Variants in SEMA4B observed in about 807,000 individuals in gnomAD.
SEMA4B encodes the protein semaphorin 4B.
SEMA4B carries 55 observed loss-of-function variants against 88.1 expected under a neutral mutation model. The observed-to-expected ratio is 0.62, with a 90% CI of 0.50 to 0.78. SEMA4B has a LOEUF of 0.78. SEMA4B is among the 30% of genes least tolerant of loss of function. The pLI is 0.00. For synonymous variants in SEMA4B, 525 were observed against 473.6 expected (o/e 1.11, Z -1.41); for missense variants, 1,062 against 1,111.9 (o/e 0.96, Z 0.64).
intron 1 of SEMA4B, among the ~76,000 whole-genome samples, chr15:90,208,092 A>G (rs933271383): frequency 7.9e-5 from 12 of 152,092 alleles, no homozygotes; most frequent in African/African-American, 2.9e-4. Context: ...CATCTCTACT[A>G]AAAATAGAAA....
upstream of SEMA4B, among the ~76,000 whole-genome samples, chr15:90,196,333 T>C (rs1179398138): frequency 6.6e-6 from 1 of 152,132 alleles, no homozygotes; most frequent in South Asian, 2.1e-4. Flanking sequence ...GGCCCCGAGA[T>C]CTCTCCCTTA....
intron 1 of SEMA4B, among the ~76,000 whole-genome samples, chr15:90,187,382 A>C (rs1374590043): frequency 1.3e-5 from 2 of 152,238 alleles, no homozygotes; most frequent in Admixed American, 1.3e-4. Context: ...CAGCTAGAGC[A>C]GAAGACATTT....
chr15:90,186,989 G>C (rs1960185845), intron 1 of SEMA4B, among the ~76,000 whole-genome samples: 2 of 152,186 alleles, frequency 1.3e-5, no homozygotes, highest in South Asian at 4.1e-4. Flanking sequence ...AAAGATTGGG[G>C]ACATTGGCAA....
At chr15:90,225,941 T>G (rs1487112583) in intron 12 of SEMA4B, 114 bp downstream of exon 12, 3 of 775,102 alleles carry the variant, frequency 3.9e-6, no homozygotes, top group Admixed American at 3.7e-5. Flanking sequence ...GTCCACTGTC[T>G]CAGCATAATT....
intron 3 of SEMA4B, chr15:90,219,065 C>T (rs1961674609): frequency 6.6e-6 from 1 of 152,220 alleles, no homozygotes; most frequent in African/African-American, 2.4e-5. Context: ...GTCACTCTGG[C>T]TACTGTGGTA....
In SEMA4B at chr15:90,224,996, A is replaced by C. The variant is rs1212487844; in HGVS notation, c.1223A>C (p.Lys408Thr). The C allele has an allele frequency of 6.2e-7, 1 of 1,613,962 alleles. No homozygotes were observed. Among genetic ancestry groups the C allele is most frequent in the Non-Finnish European group, 8.5e-7 (1 of 1,179,856 alleles). ...ACITNSARER[K>T]INSSLQLPDR... Reference sequence around the variant, plus strand: ...ATCACCAACAGTGCCCGGGAAAGGAAGATCAACTCATCCCTGCAGCTCCCA... The same window carrying C: ...ATCACCAACAGTGCCCGGGAAAGGACGATCAACTCATCCCTGCAGCTCCCA... The change falls in exon 10 of 14, where the codon AAG (lysine) becomes ACG (threonine). Residue 408 changes from lysine to threonine, a missense_variant. Physicochemically the swap from Lys to Thr is moderately conservative, Grantham distance 78. Transcript: ENST00000411539.
intron 13 of SEMA4B, 66 bp from the exon 14 acceptor site, chr15:90,227,838 G>A: frequency 6.3e-7 from 1 of 1,597,450 alleles, no homozygotes; most frequent in South Asian, 1.1e-5. Flanking sequence ...CCCAGAGGGA[G>A]GCAGGGGAGC....
At chr15:90,195,926 T>C (rs1283123216) in intron 1 of SEMA4B, among the ~76,000 whole-genome samples, 6 of 111,420 alleles carry the variant, frequency 5.4e-5, no homozygotes, top group East Asian at 6.9e-4. Context: ...GTACTTCTCT[T>C]TTTTTTTTTT....
At chr15:90,222,254 CTT>C (rs1156919489) in intron 7 of SEMA4B, among the ~76,000 whole-genome samples, 9 of 68,794 alleles carry the variant, frequency 1.3e-4, no homozygotes, top group African/African-American at 3.4e-4. Context: ...TTTTTCTTTT[CTT>C]TTTTTTTTTT....
intron 4 of SEMA4B, 186 bp downstream of exon 4, chr15:90,220,077 T>C: frequency 3.7e-6 from 2 of 539,296 alleles, no homozygotes; most frequent in South Asian, 5.3e-5. Context: ...CTGACAGCCA[T>C]GTCTCCCTGT....
upstream of SEMA4B, among the ~76,000 whole-genome samples, chr15:90,199,277 C>G (rs4627314): frequency 0.2 from 31,055 of 152,018 alleles, 4,146 homozygotes; most frequent in African/African-American, 0.38. Context: ...TTGCAGTAAC[C>G]AGGAGAAAGA....
intron 3 of SEMA4B, chr15:90,219,460 T>G: frequency 4.2e-6 from 1 of 238,166 alleles, no homozygotes; most frequent in Non-Finnish European, 8.2e-6. Context: ...AGCTCCCAGC[T>G]TGGTTGGGAG....
intron 1 of SEMA4B, among the ~76,000 whole-genome samples, chr15:90,202,957 T>C (rs1170572638): frequency 6.6e-6 from 1 of 152,222 alleles, no homozygotes; most frequent in East Asian, 1.9e-4. Context: ...GCAGATGACC[T>C]GGGTTCAAAT....
In SEMA4B at chr15:90,196,240, C is replaced by T. The variant is rs150725901; in HGVS notation, c.-121-5218C>T. 2.0e-3 allele frequency among the ~76,000 whole-genome samples: 305 copies of T among 152,088 alleles called. 1 individual carries two copies. Among genetic ancestry groups the T allele is most frequent in the African/African-American group, 6.8e-3 (284 of 41,486 alleles). On this transcript the variant is annotated intron_variant, in intron 1 of 14. Transcript: ENST00000332496. The stretch of plus-strand genomic sequence containing the variant: ...GCTGGGCTTAGCCTGTTTTGTACTT[C>T]TTATTGCATCATATCAGGAGGAAAA...
chr15:90,210,291 T>C (rs1474399332), intron 1 of SEMA4B, among the ~76,000 whole-genome samples: 2 of 152,042 alleles, frequency 1.3e-5, no homozygotes, highest in Non-Finnish European at 2.9e-5. Flanking sequence ...TTCTGCACTG[T>C]GGGGTCTGGT....
intron 1 of SEMA4B, among the ~76,000 whole-genome samples, chr15:90,211,373 C>T (rs1177542967): frequency 6.6e-6 from 1 of 152,222 alleles, no homozygotes; most frequent in East Asian, 1.9e-4. Flanking sequence ...GCCAGGTTCC[C>T]TTGCCCTCGT....
chr15:90,227,785 C>T (rs1270519205), intron 13 of SEMA4B, 119 bp from the exon 14 acceptor site: 1 of 1,506,834 alleles, frequency 6.6e-7, no homozygotes, highest in African/African-American at 1.4e-5. Context: ...AGACTCAGTC[C>T]CAGGGGTCCC....
intron 1 of SEMA4B, among the ~76,000 whole-genome samples, chr15:90,189,734 C>T (rs1474396218): frequency 2.0e-5 from 3 of 152,016 alleles, no homozygotes; most frequent in East Asian, 1.9e-4. Flanking sequence ...CTTTTTTTGG[C>T]GGGGAGTGGG....
rs1370911125 is a variant in SEMA4B at position 90,217,479 on chromosome 15, C to T, written c.198C>T (p.His66=). 1.4e-5 allele frequency: 22 copies of T among 1,613,824 alleles called. No individual in the cohort carries two copies. The Admixed American group carries it at 2.0e-4, about 15-fold the overall frequency. The stretch of plus-strand genomic sequence containing the variant: ...CATTCCTCAGATTCGAAGCTGAACA[C>T]ATCTCCAACTACACAGCCCTTCTGC... ...ERPFLRFEAE[H]ISNYTALLLS... The change falls in exon 2 of 14, where the codon CAC becomes CAT. Residue 66 remains histidine, a synonymous_variant. Transcript: ENST00000411539.
Sources: allele counts gnomAD v4.1 joint callset (sites outside exome capture counted in the v4.1 genomes callset), GRCh38; gene constraint gnomAD v4.1.1; transcripts MANE v1.5; gene names NCBI Gene and HGNC (gene_info 2026-07-23, HGNC 2026-07-21).